PIBF1: variants seen among roughly 807,000 people sequenced by gnomAD.
PIBF1 encodes the protein progesterone-induced-blocking factor 1.
Under a neutral mutation model 112.5 loss-of-function variants are expected in PIBF1, and 90 were observed. That is an observed-to-expected ratio of 0.80 (90% CI 0.67 to 0.95). The LOEUF is 0.95. Among genes scored for constraint, PIBF1 ranks in the 40% least tolerant of loss-of-function variants. The pLI is 0.00. For missense variants in PIBF1, 915 were observed against 852.3 expected (o/e 1.07, Z -0.92); for synonymous variants, 301 against 288.6 (o/e 1.04, Z -0.44).
intron 10 of PIBF1, among the ~76,000 whole-genome samples, chr13:72,886,038 T>A (rs1281259356): frequency 6.6e-6 from 1 of 152,142 alleles, no homozygotes; most frequent in Non-Finnish European, 1.5e-5. Flanking sequence ...TTTACATCCC[T>A]TTTTGCCTTT....
intron 14 of PIBF1, among the ~76,000 whole-genome samples, chr13:72,946,661 C>G (rs768910950): frequency 6.6e-6 from 1 of 152,196 alleles, no homozygotes; most frequent in Non-Finnish European, 1.5e-5. Context: ...GGTAAATACA[C>G]CCATTTCAAG....
chr13:72,881,605 A>G (rs1214965756), intron 10 of PIBF1, among the ~76,000 whole-genome samples: 1 of 151,852 alleles, frequency 6.6e-6, no homozygotes, highest in Admixed American at 6.6e-5. Context: ...AATCCTAGCT[A>G]CTTGGGAGGC....
chr13:72,805,378 G>T (rs1337287055), intron 5 of PIBF1, among the ~76,000 whole-genome samples: 1 of 152,086 alleles, frequency 6.6e-6, no homozygotes, highest in Non-Finnish European at 1.5e-5. Context: ...TCCTGACCTC[G>T]TCATCCGCCC....
chr13:72,835,365 A>G lies in PIBF1; in HGVS notation c.1220A>G (p.Asn407Ser). The G allele has an allele frequency of 6.4e-7, 1 of 1,556,150 alleles. No individual in the cohort carries two copies. Among genetic ancestry groups the G allele is most frequent in the Non-Finnish European group, 8.6e-7 (1 of 1,160,254 alleles). The stretch of plus-strand genomic sequence containing the variant: ...TCTAGGGAAATGTATGAACGAGAAA[A>G]CAGGTAAAAAAAAAAAAATGCTTGT... ...NASREMYERE[N>S]RNLREARDNA... The change falls in exon 9 of 18, where the codon AAC (asparagine) becomes AGC (serine). Residue 407 changes from asparagine to serine, a missense_variant. By Grantham distance (46) the Asn-to-Ser change is conservative. Transcript: ENST00000326291.
At chr13:72,903,755 A>G (rs950189430) in intron 11 of PIBF1, among the ~76,000 whole-genome samples, 1 of 152,140 alleles carries the variant, frequency 6.6e-6, no homozygotes, top group Non-Finnish European at 1.5e-5. Context: ...TAAAAGAAAA[A>G]TGTAAGGTAT....
rs371724021 is a variant in PIBF1, at chr13:72,902,343, T to C, written c.1489-6188T>C. Among the ~76,000 whole-genome samples, 10 of 152,008 alleles carry C rather than the reference T, an allele frequency of 6.6e-5. No individual in the cohort carries two copies. In the East Asian group the frequency reaches 1.9e-3, roughly 29 times the overall value. ...ACAAATTACCGCTAAAGAACTTAACTTGTGTAACCAAATACCACCTGTACC... is the reference window on the plus strand; with the variant it reads ...ACAAATTACCGCTAAAGAACTTAACCTGTGTAACCAAATACCACCTGTACC... On this transcript the variant is annotated intron_variant, in intron 11 of 17. Transcript: ENST00000326291.
At chr13:72,868,849 A>C (rs2039036500) in intron 10 of PIBF1, among the ~76,000 whole-genome samples, 1 of 151,376 alleles carries the variant, frequency 6.6e-6, no homozygotes, top group African/African-American at 2.4e-5. Flanking sequence ...AAAAAAAAAA[A>C]AAGATGAAAC....
chr13:72,828,238 G>A (rs999810509), intron 8 of PIBF1, among the ~76,000 whole-genome samples: 8 of 149,924 alleles, frequency 5.3e-5, no homozygotes, highest in Non-Finnish European at 7.4e-5. Context: ...AATGCAGAAG[G>A]GTTTAAAAAA....
At chr13:72,818,990 A>G (rs559103772) in intron 5 of PIBF1, among the ~76,000 whole-genome samples, 8 of 152,126 alleles carry the variant, frequency 5.3e-5, no homozygotes, top group South Asian at 2.1e-4. Flanking sequence ...TTGGTATTTC[A>G]TTTCACAGAG....
chr13:72,790,486 C>T (rs932275504), intron 2 of PIBF1, among the ~76,000 whole-genome samples: 1 of 134,914 alleles, frequency 7.4e-6, no homozygotes, highest in African/African-American at 2.9e-5. Flanking sequence ...TCACACACAC[C>T]CTTATAGATA....
intron 16 of PIBF1, among the ~76,000 whole-genome samples, chr13:72,993,916 G>T (rs1026175488): frequency 4.6e-5 from 7 of 152,002 alleles, no homozygotes; most frequent in Non-Finnish European, 1.0e-4. Context: ...GGAGGAAGGA[G>T]TTCAAGACTA....
Position 72,835,371 on chromosome 13 carries a change from A to C in PIBF1, c.1223+3A>C. ...GAAATGTATGAACGAGAAAACAGGTAAAAAAAAAAAAATGCTTGTATGGTA... is the reference window on the plus strand; with the variant it reads ...GAAATGTATGAACGAGAAAACAGGTCAAAAAAAAAAAATGCTTGTATGGTA... On this transcript the variant is annotated splice_donor_region_variant and intron_variant, in intron 9 of 17. Coordinates refer to ENST00000326291, the MANE Select transcript of PIBF1 (RefSeq NM_006346.4). 1 of 473,810 alleles carries C rather than the reference A, an allele frequency of 2.1e-6. No individual in the cohort carries two copies. The highest frequency in any genetic ancestry group is 2.9e-6 in the Non-Finnish European group (1 of 347,184). The allele number at this position is 473,810 out of a possible 1,614,324, so 29.4% of individuals were successfully genotyped here. A position where few individuals can be genotyped will look rare whatever the true frequency, so the allele number is the denominator to read the frequency against.
At chr13:72,998,054 C>T (rs954512027) in intron 16 of PIBF1, among the ~76,000 whole-genome samples, 3 of 152,188 alleles carry the variant, frequency 2.0e-5, no homozygotes, top group Non-Finnish European at 4.4e-5. Flanking sequence ...AGGGATAATA[C>T]AGCTAAAGAA....
chr13:72,854,224 A>T, intron 10 of PIBF1, 69 bp downstream of exon 10: 1 of 1,000,118 alleles, frequency 1.0e-6, no homozygotes, highest in Non-Finnish European at 1.5e-6. Flanking sequence ...TCTTTTAGAA[A>T]ATGTATTTTA....
chr13:72,991,192 T>A (rs953934208), intron 16 of PIBF1, among the ~76,000 whole-genome samples: 1 of 152,200 alleles, frequency 6.6e-6, no homozygotes, highest in African/African-American at 2.4e-5. Context: ...CCACCACTTA[T>A]GCAAATAGTT....
chr13:72,817,236 C>G (rs1487808325), intron 5 of PIBF1, among the ~76,000 whole-genome samples: 1 of 152,082 alleles, frequency 6.6e-6, no homozygotes, highest in Admixed American at 6.6e-5. Context: ...TAGGTTGCTG[C>G]TTTTTTCTCA....
rs189527896 is a variant in PIBF1 at position 72,968,796 on chromosome 13, G to A, written c.1964+3392G>A. 1.2e-3 allele frequency among the ~76,000 whole-genome samples: 189 copies of A among 152,074 alleles called. 1 individual carries two copies. Among genetic ancestry groups the A allele is most frequent in the African/African-American group, 3.0e-3 (123 of 41,488 alleles). ...TCATATGTGAAATGAGAGTGGTGCC[G>A]AGGCAGACAGATTGCCTGAGCCCAG... On this transcript the variant is annotated intron_variant, in intron 15 of 17. Coordinates refer to ENST00000326291, the MANE Select transcript of PIBF1 (RefSeq NM_006346.4).
At chr13:72,942,131 T>G (rs1320120919) in intron 14 of PIBF1, among the ~76,000 whole-genome samples, 1 of 152,236 alleles carries the variant, frequency 6.6e-6, no homozygotes, top group South Asian at 2.1e-4. Context: ...GGAAAGAGTC[T>G]GTGGCACATA....
chr13:72,856,877 A>G (rs1419257103), intron 10 of PIBF1, among the ~76,000 whole-genome samples: 1 of 152,152 alleles, frequency 6.6e-6, no homozygotes, highest in East Asian at 1.9e-4. Flanking sequence ...CCAACACTAA[A>G]AATTCTTTTT....
Sources: allele counts gnomAD v4.1 joint callset (sites outside exome capture counted in the v4.1 genomes callset), GRCh38; gene constraint gnomAD v4.1.1; transcripts MANE v1.5; gene names NCBI Gene and HGNC (gene_info 2026-07-23, HGNC 2026-07-21).